THSD4: variants seen among roughly 807,000 people sequenced by gnomAD.
The protein encoded by THSD4 is thrombospondin type 1 domain containing 4.
A neutral mutation model predicts 119.0 loss-of-function variants in THSD4; 69 were observed. The ratio of observed to expected loss-of-function variants is 0.58; its 90% CI spans 0.48 to 0.71. THSD4 has a LOEUF of 0.71. Ranked by LOEUF, THSD4 falls within the 30% of genes least tolerant of loss-of-function variation. The pLI is 0.00. For synonymous variants in THSD4, 524 were observed against 540.4 expected (o/e 0.97, Z 0.42); for missense variants, 1,393 against 1,391.1 (o/e 1.00, Z -0.02).
chr15:71,712,960 C>T (rs1243999618), intron 8 of THSD4, among the ~76,000 whole-genome samples: 1 of 152,106 alleles, frequency 6.6e-6, no homozygotes, highest in African/African-American at 2.4e-5. Context: ...GGAGGTGAAA[C>T]TAATAAATTT....
At chr15:71,149,022 C>A (rs996033725) in intron 2 of THSD4, among the ~76,000 whole-genome samples, 1 of 151,724 alleles carries the variant, frequency 6.6e-6, no homozygotes, top group East Asian at 1.9e-4. Flanking sequence ...ACCCATCCCC[C>A]TTCCTTGCTG....
At chr15:71,238,736 A>G (rs941092832) in intron 4 of THSD4, among the ~76,000 whole-genome samples, 3 of 152,220 alleles carry the variant, frequency 2.0e-5, no homozygotes, top group Admixed American at 6.5e-5. Context: ...GCTATTATGA[A>G]TAATGTAGCT....
chr15:71,745,911 C>G (rs962011691), intron 12 of THSD4, among the ~76,000 whole-genome samples: 1 of 152,182 alleles, frequency 6.6e-6, no homozygotes, highest in Non-Finnish European at 1.5e-5. Context: ...TCCCAAAGTG[C>G]TGGGATTACG....
intron 6 of THSD4, among the ~76,000 whole-genome samples, chr15:71,365,710 G>A (rs2045953256): frequency 1.3e-5 from 2 of 152,074 alleles, no homozygotes; most frequent in South Asian, 4.1e-4. Flanking sequence ...GGAAACTCAT[G>A]GGATGTAGCT....
intron 7 of THSD4, among the ~76,000 whole-genome samples, chr15:71,607,435 AG>A (rs2050129608): frequency 1.3e-5 from 2 of 152,236 alleles, no homozygotes; most frequent in South Asian, 4.1e-4. Flanking sequence ...CCAAGGCCCA[AG>A]TATCATGCCC....
At chr15:71,302,664 C>G (rs1414507157) in intron 6 of THSD4, among the ~76,000 whole-genome samples, 2 of 151,990 alleles carry the variant, frequency 1.3e-5, no homozygotes, top group Non-Finnish European at 2.9e-5. Context: ...ATGCTCCTGC[C>G]CATGCTTAGC....
At chr15:71,519,300 C>T (rs1329974671) in intron 7 of THSD4, among the ~76,000 whole-genome samples, 2 of 152,144 alleles carry the variant, frequency 1.3e-5, no homozygotes, top group Non-Finnish European at 2.9e-5. Context: ...GGATTTTGCT[C>T]CAAGTGTAAT....
At chr15:71,550,259 G>C (rs571999722) in intron 7 of THSD4, among the ~76,000 whole-genome samples, 2 of 152,352 alleles carry the variant, frequency 1.3e-5, no homozygotes, top group Admixed American at 1.3e-4. Context: ...GCGGGGAAGG[G>C]GAGGTGGGAA....
chr15:71,272,735 G>A lies in THSD4; in HGVS notation c.1015+16020G>A, dbSNP rs940531441. On this transcript the variant is annotated intron_variant, in intron 6 of 17. Transcript: ENST00000261862. The stretch of plus-strand genomic sequence containing the variant: ...AAAAATTAGCCAGGTGTGGTAGCGC[G>A]CGCCTGTAATCCCAGCTACTCAGGA... Among the ~76,000 whole-genome samples the A allele has an allele frequency of 2.0e-5, 3 of 151,952 alleles. 1 individual carries two copies. Among genetic ancestry groups the A allele is most frequent in the Non-Finnish European group, 4.4e-5 (3 of 68,002 alleles).
chr15:71,758,131 G>C, intron 15 of THSD4, 56 bp downstream of exon 15: 1 of 1,502,124 alleles, frequency 6.7e-7, no homozygotes, highest in Non-Finnish European at 8.9e-7. Context: ...CAGCATACCA[G>C]AGGGGTTAGG....
At chr15:71,371,346 G>C (rs536526311) in intron 6 of THSD4, among the ~76,000 whole-genome samples, 1 of 152,136 alleles carries the variant, frequency 6.6e-6, no homozygotes, top group Non-Finnish European at 1.5e-5. Context: ...TATTTTGCTC[G>C]TTAGTTGATG....
At chr15:71,591,619 C>G (rs1330137753) in intron 7 of THSD4, among the ~76,000 whole-genome samples, 1 of 152,064 alleles carries the variant, frequency 6.6e-6, no homozygotes, top group Non-Finnish European at 1.5e-5. Context: ...GCTGGTGAAG[C>G]TCCAGGAGAT....
At chr15:71,104,922 C>T (rs149463665) in intron 1 of THSD4, among the ~76,000 whole-genome samples, 1,763 of 152,232 alleles carry the variant, frequency 0.012, 38 homozygotes, top group African/African-American at 0.039. Context: ...TTGTCCGGCA[C>T]GGCCTTATGT....
At chr15:71,272,694 C>G (rs952071342) in intron 6 of THSD4, among the ~76,000 whole-genome samples, 1 of 151,870 alleles carries the variant, frequency 6.6e-6, no homozygotes, top group Non-Finnish European at 1.5e-5. Context: ...AGCCCCGTCT[C>G]TAGTGAAAAC....
At chr15:71,218,472 G>C (rs2043951904) in intron 4 of THSD4, among the ~76,000 whole-genome samples, 1 of 152,190 alleles carries the variant, frequency 6.6e-6, no homozygotes, top group African/African-American at 2.4e-5. Context: ...GTGCCTGTGT[G>C]TTTTGGCAGC....
intron 7 of THSD4, among the ~76,000 whole-genome samples, chr15:71,473,290 T>C (rs1227334465): frequency 2.0e-5 from 3 of 152,136 alleles, no homozygotes; most frequent in Non-Finnish European, 2.9e-5. Context: ...ACTCCTGGGC[T>C]CAAACAATCC....
chr15:71,122,526 T>A (rs907100738), intron 1 of THSD4, among the ~76,000 whole-genome samples: 1 of 152,226 alleles, frequency 6.6e-6, no homozygotes, highest in Non-Finnish European at 1.5e-5. Flanking sequence ...TCTTGGCCTC[T>A]TTCACATGAG....
intron 7 of THSD4, among the ~76,000 whole-genome samples, chr15:71,502,087 T>C (rs1334056145): frequency 6.6e-6 from 1 of 152,244 alleles, no homozygotes; most frequent in Non-Finnish European, 1.5e-5. Flanking sequence ...CATAGAGAAA[T>C]ATTTTCATAA....
At chr15:71,315,324 T>C (rs1001236083) in intron 6 of THSD4, among the ~76,000 whole-genome samples, 3 of 152,362 alleles carry the variant, frequency 2.0e-5, no homozygotes, top group African/African-American at 4.8e-5. Flanking sequence ...ACCTGGACTT[T>C]TAATTGTCCA....
Sources: allele counts gnomAD v4.1 joint callset (sites outside exome capture counted in the v4.1 genomes callset), GRCh38; gene constraint gnomAD v4.1.1; transcripts MANE v1.5; gene names NCBI Gene and HGNC (gene_info 2026-07-23, HGNC 2026-07-21).